PTPN12: variants seen among roughly 807,000 people sequenced by gnomAD.
PTPN12 encodes protein tyrosine phosphatase non-receptor type 12, also known as tyrosine-protein phosphatase non-receptor type 12.
PTPN12 carries 29 observed loss-of-function variants against 97.6 expected under a neutral mutation model. That is an observed-to-expected ratio of 0.30 (90% CI 0.22 to 0.41). PTPN12 has a LOEUF of 0.41. Among genes scored for constraint, PTPN12 ranks in the 10% least tolerant of loss-of-function variants. The pLI, the probability that PTPN12 is intolerant of heterozygous loss-of-function variation, is 1.00. For synonymous variants in PTPN12, 327 were observed against 300.4 expected, an observed-to-expected ratio of 1.09 and a Z score of -0.91; for missense variants, 819 against 926.0, an observed-to-expected ratio of 0.88 and a Z score of 1.50.
At chr7:77,581,537 A>T (rs113571561) in intron 3 of PTPN12, 34 bp downstream of exon 3, 1 of 1,334,784 alleles carries the variant, frequency 7.5e-7, no homozygotes. Flanking sequence ...TTTCTCTGCC[A>T]TATTAATGTC....
Position 77,571,092 on chromosome 7 carries a change from G to A in PTPN12, c.114G>A (p.Leu38=). ...TGTATTTTAAGCGGTTAAGAAGATT[G>A]TCTACCAAATATAGAACAGAAAAGA... ...FARDFMRLRR[L]STKYRTEKIY... Residue 38 remains leucine, a synonymous_variant, in exon 2 of 18, where the codon TTG becomes TTA. Transcript: ENST00000248594. The A allele has an allele frequency of 1.3e-6, 2 of 1,572,252 alleles. No individual in the cohort carries two copies. The highest frequency in any genetic ancestry group is 1.2e-5 in the South Asian group (1 of 84,230).
chr7:77,633,949 G>C (rs895675899), intron 14 of PTPN12, among the ~76,000 whole-genome samples: 1 of 152,068 alleles, frequency 6.6e-6, no homozygotes, highest in Non-Finnish European at 1.5e-5. Flanking sequence ...CTTGAACCCA[G>C]GATGCAGAGG....
At position 77,635,854 on chromosome 7, in the gene PTPN12, G is replaced by T. The variant is rs1243909272; in HGVS notation, c.2142+5G>T. ...TCTGAACAAAAAAAGTCTGAAGTAA[G>T]TCCTTTTGGAATTGGAACAGTTATA... On this transcript the variant is annotated splice_donor_5th_base_variant and intron_variant, in intron 15 of 17. Transcript: ENST00000248594. The T allele has an allele frequency of 1.3e-6, 2 of 1,593,322 alleles. No homozygotes were observed. The highest frequency in any genetic ancestry group is 1.7e-6 in the Non-Finnish European group (2 of 1,168,260).
chr7:77,622,327 A>G (rs1788967881), intron 12 of PTPN12, among the ~76,000 whole-genome samples: 1 of 152,230 alleles, frequency 6.6e-6, no homozygotes, highest in African/African-American at 2.4e-5. Flanking sequence ...GAAGCCTCTA[A>G]TATGAAAAAA....
At chr7:77,594,098 C>G (rs557243747) in intron 6 of PTPN12, among the ~76,000 whole-genome samples, 1 of 152,222 alleles carries the variant, frequency 6.6e-6, no homozygotes, top group South Asian at 2.1e-4. Flanking sequence ...CACCATTGAA[C>G]TTTTTGGATG....
At chr7:77,553,640 T>C (rs995358962) in intron 1 of PTPN12, among the ~76,000 whole-genome samples, 1 of 152,248 alleles carries the variant, frequency 6.6e-6, no homozygotes, top group Non-Finnish European at 1.5e-5. Context: ...TATATTTTTT[T>C]CCATCCATTT....
At chr7:77,603,883 C>CTTTTTTTTTTTTTTTTTTTTTTT (rs773037726) in intron 8 of PTPN12, among the ~76,000 whole-genome samples, 1 of 87,858 alleles carries the variant, frequency 1.1e-5, no homozygotes, top group Admixed American at 1.5e-4. Flanking sequence ...TTTTTGTTTG[C>CTTTTTTTTTTTTTTTTTTTTTTT]TTTTTTTTTT....
At chr7:77,615,596 T>A (rs1185653204) in intron 11 of PTPN12, among the ~76,000 whole-genome samples, 1 of 152,174 alleles carries the variant, frequency 6.6e-6, no homozygotes, top group East Asian at 1.9e-4. Flanking sequence ...AACAATTTTT[T>A]TTTAATTACC....
chr7:77,611,946 C>CTA (rs1788583085), intron 11 of PTPN12, among the ~76,000 whole-genome samples: 1 of 149,954 alleles, frequency 6.7e-6, no homozygotes, highest in Admixed American at 6.7e-5. Flanking sequence ...TGCTTCAATT[C>CTA]TATATATAAC....
At chr7:77,637,641 A>C (rs1181604371) in intron 16 of PTPN12, among the ~76,000 whole-genome samples, 1 of 151,938 alleles carries the variant, frequency 6.6e-6, no homozygotes, top group Non-Finnish European at 1.5e-5. Flanking sequence ...CAATCACCTG[A>C]GGTCAGGAGT....
chr7:77,604,923 A>T (rs1462898300), intron 8 of PTPN12: 1 of 419,626 alleles, frequency 2.4e-6, no homozygotes, highest in East Asian at 7.4e-5. Flanking sequence ...ATCTCTGGAG[A>T]ATTCACTGTT....
Position 77,571,117 on chromosome 7 carries a change from A to G in PTPN12, c.139A>G (p.Ile47Val). The G allele has an allele frequency of 2.5e-6, 4 of 1,602,680 alleles. No homozygotes were observed. In the South Asian group the frequency reaches 3.4e-5, roughly 13 times the overall value. Residue 47 changes from isoleucine to valine, a missense_variant, in exon 2 of 18, where the codon ATA (isoleucine) becomes GTA (valine). Physicochemically the swap from Ile to Val is conservative, Grantham distance 29. This residue lies in a region of PTPN12 where 66 missense variants were observed against 133.6 expected (regional missense o/e 0.49). Coordinates refer to ENST00000248594, the MANE Select transcript of PTPN12 (RefSeq NM_002835.4). Reference protein sequence around the residue: ...RLSTKYRTEKIYPTATGEKEE... With the variant: ...RLSTKYRTEKVYPTATGEKEE... ...GTCTACCAAATATAGAACAGAAAAG[A>G]TATATCCCACAGCCACTGGAGAAAA...
chr7:77,639,904 C>T lies in PTPN12; in HGVS notation c.*624C>T, dbSNP rs963089993. The stretch of plus-strand genomic sequence containing the variant: ...TGTTCATCCTAATTGTTCCTGTTTT[C>T]ATCTAGTCAGAGATTCAGTAAGTGC... On this transcript the variant is annotated 3_prime_UTR_variant, in exon 18 of 18. Coordinates refer to ENST00000248594, the MANE Select transcript of PTPN12 (RefSeq NM_002835.4). 2.6e-5 allele frequency: 4 copies of T among 152,412 alleles called. No homozygotes were observed. The highest frequency in any genetic ancestry group is 5.9e-5 in the Non-Finnish European group (4 of 67,992). The allele number at this position is 152,412 out of a possible 1,614,324, so 9.4% of individuals were successfully genotyped here.
chr7:77,624,448 T>A (rs529468158), intron 12 of PTPN12, among the ~76,000 whole-genome samples: 3 of 152,162 alleles, frequency 2.0e-5, no homozygotes, highest in East Asian at 1.9e-4. Flanking sequence ...TTATTTATTT[T>A]ATTTATTTTG....
In PTPN12 at chr7:77,632,385, T is replaced by C. The variant is rs753065963; in HGVS notation, c.2034T>C (p.Pro678=). Residue 678 remains proline (P), a synonymous_variant, in exon 14 of 18, where the codon CCT becomes CCC. Transcript: ENST00000248594. ...GTGAAGATTCACCTCCTCCCCTACC[T>C]GAAAGAACTCCTGAATCGTTTGTGT... ...DVSEDSPPPL[P]ERTPESFVLA... is the part of the protein sequence containing the mutation. The C allele has an allele frequency of 6.2e-7, 1 of 1,611,458 alleles. No individual in the cohort carries two copies.
intron 9 of PTPN12, 101 bp from the exon 10 acceptor site, chr7:77,610,664 G>A: frequency 8.2e-7 from 1 of 1,224,322 alleles, no homozygotes; most frequent in Non-Finnish European, 1.1e-6. Context: ...AATGTTTGCA[G>A]TAAACCAGCA....
intron 13 of PTPN12, among the ~76,000 whole-genome samples, chr7:77,628,069 C>T (rs1789265331): frequency 6.6e-6 from 1 of 152,122 alleles, no homozygotes; most frequent in Non-Finnish European, 1.5e-5. Context: ...TATAATGTTA[C>T]TCGTTTTTCC....
intron 13 of PTPN12, among the ~76,000 whole-genome samples, chr7:77,629,771 A>G (rs898176332): frequency 3.9e-5 from 6 of 152,004 alleles, no homozygotes; most frequent in Admixed American, 6.6e-5. Context: ...GTGACACCCA[A>G]TCTCTACAAA....
At chr7:77,633,305 C>G (rs1789470172) in intron 14 of PTPN12, among the ~76,000 whole-genome samples, 1 of 151,304 alleles carries the variant, frequency 6.6e-6, no homozygotes, top group Non-Finnish European at 1.5e-5. Context: ...TATTTGCAAT[C>G]TGGTGTATTT....
Sources: allele counts gnomAD v4.1 joint callset (sites outside exome capture counted in the v4.1 genomes callset), GRCh38; gene constraint gnomAD v4.1.1; regional missense constraint gnomAD v4.1.1; transcripts MANE v1.5; gene names NCBI Gene and HGNC (gene_info 2026-07-23, HGNC 2026-07-21).